The following UBA7 variants were observed in gnomAD, a reference collection of about 807,000 sequenced individuals.
UBA7 encodes the protein ubiquitin like modifier activating enzyme 7.
A neutral mutation model predicts 113.0 loss-of-function variants in UBA7; 88 were observed. That is an observed-to-expected ratio of 0.78 (90% confidence interval 0.66 to 0.93). The LOEUF (loss-of-function observed/expected upper bound fraction) is 0.93. Among genes scored for constraint, UBA7 ranks in the 40% least tolerant of loss-of-function variants. The pLI, the probability that UBA7 is intolerant of heterozygous loss-of-function variation, is 0.00. For synonymous variants in UBA7, 459 were observed against 513.0 expected, an observed-to-expected ratio of 0.89 and a Z score of 1.42; for missense variants, 1,092 against 1,266.4, an observed-to-expected ratio of 0.86 and a Z score of 2.09.
At position 49,808,118 on chromosome 3, in the gene UBA7, A is replaced by G. The variant is rs556229954; in HGVS notation, c.2431-6T>C. 1.2e-6 allele frequency: 2 copies of G among 1,613,650 alleles called. No homozygotes were observed. The highest frequency in any genetic ancestry group is 2.7e-5 in the African/African-American group (2 of 75,050). On this transcript the variant is annotated splice_polypyrimidine_tract_variant and splice_region_variant and intron_variant, in intron 19 of 23. Coordinates refer to ENST00000333486, the MANE Select transcript of UBA7 (RefSeq NM_003335.3). ...TGGAAGTTGCTGTCATCATCCTGTAAGGCCCAAGTCAAAGTAGTGTTAACA... is the reference window on the plus strand; with the variant it reads ...TGGAAGTTGCTGTCATCATCCTGTAGGGCCCAAGTCAAAGTAGTGTTAACA...
rs200484624 is a variant in UBA7, at chr3:49,807,847, C to G, written c.2604G>C (p.Leu868=). ...GCCGTGGCCCACTCACCACCTTATA[C>G]AGCTCCAGGCCCAACAGGCCTGCCA... ...AAVAGLLGLE[L]YKVVSGPRPR... Residue 868 remains leucine (L), a synonymous_variant, in exon 21 of 24, where the codon CTG becomes CTC. Transcript: ENST00000333486. This position sits in a 1 kb window ranked among gnomAD's most constrained non-coding sequence, Gnocchi z 4.0. The G allele has an allele frequency of 5.6e-6, 9 of 1,614,102 alleles. No individual in the cohort carries two copies. In the African/African-American group the frequency reaches 8.0e-5, roughly 14 times the overall value.
rs2108299482 is a variant in UBA7, at chr3:49,807,974, G to A, written c.2523+46C>T. 6.2e-7 allele frequency: 1 copy of A among 1,614,082 alleles called. No individual in the cohort carries two copies. Among genetic ancestry groups the A allele is most frequent in the Admixed American group, 1.7e-5 (1 of 60,004 alleles). ...GTCTGGGCCCAAGGCGTAGGGCCAG[G>A]GTTTGCCCTCCACCTCCAGGCCCAA... is the stretch of plus-strand genomic sequence containing the variant. On this transcript the variant is annotated intron_variant, in intron 20 of 23. Transcript: ENST00000333486. The surrounding 1 kb of genome is among the most constrained non-coding windows in gnomAD (Gnocchi z 4.0).
chr3:49,810,600 C>CA lies in UBA7; in HGVS notation c.1383_1384insT (p.Gly462TrpfsTer7), dbSNP rs1411809564. The CA allele has an allele frequency of 3.1e-6, 5 of 1,614,122 alleles. No individual in the cohort carries two copies. Among genetic ancestry groups the CA allele is most frequent in the Non-Finnish European group, 4.2e-6 (5 of 1,180,024 alleles). On this transcript the variant is annotated frameshift_variant, in exon 12 of 24. Coordinates refer to ENST00000333486, the MANE Select transcript of UBA7 (RefSeq NM_003335.3). LOFTEE classifies it high-confidence loss of function. This position sits in a 1 kb window ranked among gnomAD's most constrained non-coding sequence, Gnocchi z 5.6. ...TCCATGTCAACAACAGTCAAGCCCC[C>CA]GCTGTTCCCGGCCCCCAGTCCCACT...
intron 8 of UBA7, 98 bp downstream of exon 8, chr3:49,811,772 A>G (rs2081551384): frequency 3.2e-6 from 5 of 1,560,074 alleles, no homozygotes; most frequent in Non-Finnish European, 4.4e-6. Flanking sequence ...CAGTGTTGGG[A>G]GATCAGACTT....
Position 49,810,761 on chromosome 3 carries a change from G to C in UBA7, c.1302C>G (p.His434Gln). The change falls in exon 11 of 24, where the codon CAC (histidine) becomes CAG (glutamine). Residue 434 changes from histidine to glutamine, a missense_variant. Physicochemically the swap from His to Gln is conservative, Grantham distance 24. Transcript: ENST00000333486. This position sits in a 1 kb window ranked among gnomAD's most constrained non-coding sequence, Gnocchi z 5.6. Reference sequence around the variant, plus strand: ...TCACCCCACAGCTCACCAGGAGGTAGTGCTGGCGTCTCAGTTTCTCCTGAA... The same window carrying C: ...TCACCCCACAGCTCACCAGGAGGTACTGCTGGCGTCTCAGTTTCTCCTGAA... ...AGFQEKLRRQ[H>Q]YLLVGAGAIG... 6.2e-7 allele frequency: 1 copy of C among 1,614,168 alleles called. No homozygotes were observed. Among genetic ancestry groups the C allele is most frequent in the Non-Finnish European group, 8.5e-7 (1 of 1,180,018 alleles).
chr3:49,812,112 T>G lies in UBA7; in HGVS notation c.789A>C (p.Arg263Ser). Reference protein sequence around the residue: ...ITEVKRPKTVRHKSLDTALLQ... With the variant: ...ITEVKRPKTVSHKSLDTALLQ... ...CCTCAGATGCACTTGCACTCACATG[T>G]CTCACAGTCTTGGGTCTCTTGACTT... Residue 263 changes from arginine to serine, a missense_variant, in exon 7 of 24, where the codon AGA becomes AGC. Arg to Ser is a moderately radical substitution (Grantham distance 110). This residue lies in a region of UBA7 where 584 missense variants were observed against 714.5 expected (regional missense o/e 0.82). Transcript: ENST00000333486. The G allele has an allele frequency of 6.2e-7, 1 of 1,614,190 alleles. No homozygotes were observed. The highest frequency in any genetic ancestry group is 8.5e-7 in the Non-Finnish European group (1 of 1,180,024).
In UBA7 at chr3:49,809,657, A is replaced by G. The variant is rs747035214; in HGVS notation, c.1973T>C (p.Val658Ala). 2.6e-5 allele frequency: 42 copies of G among 1,613,870 alleles called. No homozygotes were observed. Among genetic ancestry groups the G allele is most frequent in the Non-Finnish European group, 3.5e-5 (41 of 1,180,018 alleles). The part of the protein sequence containing the change: ...TLTLLKPVLG[V>A]LRVRPQNWQD... ...CCAGTTCTGTGGACGCACTCTCAGG[A>G]CCCCAAGCACTGGCTTCAGTAAGGT... Residue 658 changes from valine (V) to alanine (A), a missense_variant, in exon 16 of 24, where the codon GTC becomes GCC. This residue lies in a region of UBA7 where 500 missense variants were observed against 529.3 expected (regional missense o/e 0.94). Coordinates refer to ENST00000333486, the MANE Select transcript of UBA7 (RefSeq NM_003335.3).
intron 9 of UBA7, 22 bp downstream of exon 9, chr3:49,811,251 C>T (rs770377584): frequency 1.2e-6 from 2 of 1,613,588 alleles, no homozygotes; most frequent in South Asian, 1.1e-5. Context: ...CCAGTACCCC[C>T]CACACCTATG....
At position 49,811,007 on chromosome 3, in the gene UBA7, GA is replaced by G. The variant is rs773701299; in HGVS notation, c.1206del (p.Ser404ValfsTer7). 2 of 1,614,006 alleles carry G rather than the reference GA, an allele frequency of 1.2e-6. No homozygotes were observed. The highest frequency in any genetic ancestry group is 1.7e-5 in the Admixed American group (1 of 59,994). On this transcript the variant is annotated frameshift_variant, in exon 10 of 24. Coordinates refer to ENST00000333486, the MANE Select transcript of UBA7 (RefSeq NM_003335.3). LOFTEE classifies it high-confidence loss of function. ...LDCLPEDGEL[L>X]PSPEDCALRG... ...ACCAGGGCACAGTCCTCAGGACTGG[GA>G]AGGAGCTCCCCATCTTCCGGAAGAC... is the stretch of plus-strand genomic sequence containing the variant.
Position 49,813,533 on chromosome 3 carries a change from GCCCACA to G in UBA7, c.165_170del (p.Val56_Gly57del). On this transcript the variant is annotated inframe_deletion, in exon 2 of 24. Transcript: ENST00000333486. ...GGTGGGGATCATGCAGAGTGAGGCT[GCCCACA>G]CCCATCAGAACCAAGTTCTTGGCCA... The G allele has an allele frequency of 6.2e-7, 1 of 1,613,998 alleles. No individual in the cohort carries two copies. The highest frequency in any genetic ancestry group is 8.5e-7 in the Non-Finnish European group (1 of 1,180,044).
chr3:49,809,106 A>G lies in UBA7; in HGVS notation c.2217T>C (p.His739=), dbSNP rs766435820. ...LAAANLYAQM[H]GLPGSQDWTA... is the part of the protein sequence containing the mutation. The stretch of plus-strand genomic sequence containing the variant: ...TCCAGTCCTGTGAGCCAGGCAGCCC[A>G]TGCATCTGGGCATACAGGTTGGCAG... Residue 739 remains histidine (H), a synonymous_variant, in exon 18 of 24, where the codon CAT becomes CAC. Coordinates refer to ENST00000333486, the MANE Select transcript of UBA7 (RefSeq NM_003335.3). 1 of 1,613,570 alleles carries G rather than the reference A, an allele frequency of 6.2e-7. No individual in the cohort carries two copies. The highest frequency in any genetic ancestry group is 1.1e-5 in the South Asian group (1 of 90,928).
chr3:49,812,362 T>C (rs1315837325), intron 6 of UBA7, 46 bp downstream of exon 6: 2 of 1,612,832 alleles, frequency 1.2e-6, no homozygotes, highest in Non-Finnish European at 1.7e-6. Context: ...TCACTTCCAG[T>C]GGAGGCTTGG....
At position 49,810,243 on chromosome 3, in the gene UBA7, C is replaced by T. The variant is rs2081521728; in HGVS notation, c.1633+20G>A. On this transcript the variant is annotated intron_variant, in intron 13 of 23. Transcript: ENST00000333486. The surrounding 1 kb of genome is among the most constrained non-coding windows in gnomAD (Gnocchi z 5.6). ...GCACAGCTGTGGGCAAGGGACTGAC[C>T]TCCGAAGTCAAGCACTCACGGGCCT... The T allele has an allele frequency of 1.2e-6, 2 of 1,613,462 alleles. No individual in the cohort carries two copies. Among genetic ancestry groups the T allele is most frequent in the African/African-American group, 1.3e-5 (1 of 75,026 alleles).
intron 5 of UBA7, 33 bp downstream of exon 5, chr3:49,812,615 T>G: frequency 1.2e-6 from 2 of 1,614,152 alleles, no homozygotes; most frequent in Non-Finnish European, 1.7e-6. Context: ...CTCTCCTTGG[T>G]CAGCAGGTGA....
At chr3:49,806,884 A>T (rs2081461988) in intron 21 of UBA7, among the ~76,000 whole-genome samples, 1 of 152,048 alleles carries the variant, frequency 6.6e-6, no homozygotes, top group Admixed American at 6.5e-5. Context: ...TGCTGGTTAG[A>T]GGCAGGGTGC....
At position 49,810,291 on chromosome 3, in the gene UBA7, C is replaced by T; in HGVS notation, c.1605G>A (p.Val535=). ...GDNFFSRVDG[V]AAALDSFQAR... is the part of the protein sequence containing the mutation. ...CCTGGAAACTGTCCAGGGCAGCAGC[C>T]ACACCATCCACACGGGAGAAAAAGT... is the stretch of plus-strand genomic sequence containing the variant. The change falls in exon 13 of 24, where the codon GTG becomes GTA. Residue 535 remains valine, a synonymous_variant. Transcript: ENST00000333486. This position sits in a 1 kb window ranked among gnomAD's most constrained non-coding sequence, Gnocchi z 5.6. The T allele has an allele frequency of 6.2e-7, 1 of 1,614,082 alleles. No homozygotes were observed. The highest frequency in any genetic ancestry group is 8.5e-7 in the Non-Finnish European group (1 of 1,180,014).
At chr3:49,813,429 G>A (rs1466513769) in intron 2 of UBA7, 46 bp from the exon 3 acceptor site, 2 of 1,609,310 alleles carry the variant, frequency 1.2e-6, no homozygotes, top group East Asian at 4.5e-5. Context: ...CTCCTCTTGG[G>A]CCGTGCCCCC....
rs201219751 is a variant in UBA7, at chr3:49,812,438, C to T, written c.664G>A (p.Asp222Asn). The T allele has an allele frequency of 2.5e-5, 41 of 1,614,104 alleles. No homozygotes were observed. The highest frequency in any genetic ancestry group is 4.0e-5 in the African/African-American group (3 of 74,934). Reference sequence around the variant, plus strand: ...ACGTGGATAGACCGGGGATCACAGTCGTTGAGCTCAACCATTCCCTCAATT... The same window carrying T: ...ACGTGGATAGACCGGGGATCACAGTTGTTGAGCTCAACCATTCCCTCAATT... ...SGIEGMVELN[D>N]CDPRSIHVRE... is the part of the protein sequence containing the mutation. The change falls in exon 6 of 24, where the codon GAC (aspartate) becomes AAC (asparagine). Residue 222 changes from aspartate (D) to asparagine (N), a missense_variant. Asp to Asn is a conservative substitution (Grantham distance 23). Transcript: ENST00000333486.
At chr3:49,811,548 C>T in intron 8 of UBA7, 93 bp from the exon 9 acceptor site, 15 of 1,503,698 alleles carry the variant, frequency 1.0e-5, no homozygotes, top group Non-Finnish European at 1.3e-5. Context: ...CCCTGTTCCA[C>T]AGAAGAGGAA....
Sources: allele counts gnomAD v4.1 joint callset (sites outside exome capture counted in the v4.1 genomes callset), GRCh38; gene constraint gnomAD v4.1.1; regional missense constraint gnomAD v4.1.1; non-coding constraint Gnocchi (gnomAD v3.1); transcripts MANE v1.5; gene names NCBI Gene and HGNC (gene_info 2026-07-23, HGNC 2026-07-21).